Variants in TMEM131L observed in about 807,000 individuals in gnomAD.
TMEM131L encodes transmembrane 131 like, also known as transmembrane protein 131-like.
Under a neutral mutation model 192.2 loss-of-function variants are expected in TMEM131L, and 54 were observed. The observed-to-expected ratio is 0.28, with a 90% CI of 0.23 to 0.35. TMEM131L has a LOEUF of 0.35. Among genes scored for constraint, TMEM131L ranks in the 10% least tolerant of loss-of-function variants. The probability of loss-of-function intolerance (pLI) is 1.00; values close to 1 mark genes in which losing one functional copy is unlikely to be tolerated. For synonymous variants in TMEM131L, 701 were observed against 704.9 expected (o/e 0.99, Z 0.09); for missense variants, 1,888 against 1,972.9 (o/e 0.96, Z 0.82).
At chr4:153,559,081 C>G (rs1338141866) in intron 7 of TMEM131L, among the ~76,000 whole-genome samples, 1 of 152,178 alleles carries the variant, frequency 6.6e-6, no homozygotes, top group Non-Finnish European at 1.5e-5. Flanking sequence ...AATTTGTAGT[C>G]AGTACCATTA....
chr4:153,487,071 C>G (rs1173375219), intron 3 of TMEM131L, among the ~76,000 whole-genome samples: 1 of 152,204 alleles, frequency 6.6e-6, no homozygotes, highest in Admixed American at 6.5e-5. Context: ...ATCAGAAGCT[C>G]TAGGGGAGGA....
intron 3 of TMEM131L, among the ~76,000 whole-genome samples, chr4:153,500,416 T>C (rs1733519411): frequency 6.6e-6 from 1 of 152,140 alleles, no homozygotes; most frequent in African/African-American, 2.4e-5. Context: ...CCAGAACTTT[T>C]TTAGTTTAAA....
chr4:153,602,624 C>G lies in TMEM131L; in HGVS notation c.2536C>G (p.Leu846Val), dbSNP rs1561232758. 3 of 1,614,096 alleles carry G rather than the reference C, an allele frequency of 1.9e-6. No homozygotes were observed. Among genetic ancestry groups the G allele is most frequent in the Non-Finnish European group, 2.5e-6 (3 of 1,179,988 alleles). Reference protein sequence around the residue: ...TAADLEFRFTLNVTLPHHLLP... With the variant: ...TAADLEFRFTVNVTLPHHLLP... ...AGCGGACCTAGAATTTCGCTTCACTCTCAATGTGACTCTCCCTCATCACCT... is the reference window on the plus strand; with the variant it reads ...AGCGGACCTAGAATTTCGCTTCACTGTCAATGTGACTCTCCCTCATCACCT... Residue 846 changes from leucine (L) to valine (V), a missense_variant, in exon 23 of 35, where the codon CTC becomes GTC. Coordinates refer to ENST00000409959, the MANE Select transcript of TMEM131L (RefSeq NM_001131007.2).
chr4:153,610,955 G>C (rs1380340310), intron 25 of TMEM131L, among the ~76,000 whole-genome samples: 3 of 152,230 alleles, frequency 2.0e-5, no homozygotes, highest in Admixed American at 1.3e-4. Flanking sequence ...AGAAGGTACT[G>C]AAATACATCG....
At chr4:153,557,590 A>G (rs74964132) in intron 6 of TMEM131L, among the ~76,000 whole-genome samples, 3,375 of 152,270 alleles carry the variant, frequency 0.022, 81 homozygotes, top group Middle Eastern at 0.11. Flanking sequence ...TATTCTCAGA[A>G]ATAGGAATCT....
chr4:153,603,474 T>A (rs377643972), intron 24 of TMEM131L, 22 bp downstream of exon 24: 30 of 1,601,510 alleles, frequency 1.9e-5, no homozygotes, highest in Non-Finnish European at 2.4e-5. Flanking sequence ...TATAGTGTGG[T>A]TGGGAGCGGG....
At chr4:153,593,722 A>C (rs1731230293) in intron 18 of TMEM131L, 77 bp from the exon 19 acceptor site, 5 of 919,284 alleles carry the variant, frequency 5.4e-6, no homozygotes, top group South Asian at 4.0e-5. Flanking sequence ...AAATGTATAT[A>C]TGTGCACACA....
At chr4:153,485,864 C>A (rs997553300) in intron 3 of TMEM131L, among the ~76,000 whole-genome samples, 3 of 152,206 alleles carry the variant, frequency 2.0e-5, no homozygotes, top group Non-Finnish European at 2.9e-5. Context: ...ATCTTCCTTA[C>A]ATAACCAGGT....
intron 3 of TMEM131L, among the ~76,000 whole-genome samples, chr4:153,490,944 ACT>A (rs1489316129): frequency 5.4e-5 from 7 of 128,890 alleles, no homozygotes; most frequent in African/African-American, 2.1e-4. Flanking sequence ...ATAGAGTGAG[ACT>A]CTGTCTCAAA....
At chr4:153,498,611 A>C (rs765790436) in intron 3 of TMEM131L, among the ~76,000 whole-genome samples, 13 of 152,136 alleles carry the variant, frequency 8.5e-5, no homozygotes, top group Admixed American at 1.3e-4. Flanking sequence ...TCTTCACAAG[A>C]TGCAAATGTT....
At chr4:153,619,640 A>G (rs1444122916) in intron 26 of TMEM131L, among the ~76,000 whole-genome samples, 1 of 152,248 alleles carries the variant, frequency 6.6e-6, no homozygotes, top group Non-Finnish European at 1.5e-5. Context: ...TAATAGATGC[A>G]TAAGGGTTCT....
At chr4:153,482,100 T>C (rs567534512) in intron 3 of TMEM131L, among the ~76,000 whole-genome samples, 39 of 152,326 alleles carry the variant, frequency 2.6e-4, no homozygotes, top group African/African-American at 9.4e-4. Flanking sequence ...TGCCTCGGCC[T>C]CCCAAAGTGC....
intron 3 of TMEM131L, among the ~76,000 whole-genome samples, chr4:153,500,185 C>G (rs372207731): frequency 1.1e-4 from 17 of 152,222 alleles, no homozygotes; most frequent in African/African-American, 3.4e-4. Context: ...ACTGCAGCCT[C>G]AAACTCCTGG....
intron 3 of TMEM131L, among the ~76,000 whole-genome samples, chr4:153,525,877 A>G (rs1446470965): frequency 1.3e-5 from 2 of 149,268 alleles, no homozygotes; most frequent in African/African-American, 5.0e-5. Flanking sequence ...TTTTTTTTTG[A>G]GATGGAGTCT....
At chr4:153,502,081 A>G (rs1733651234) in intron 3 of TMEM131L, among the ~76,000 whole-genome samples, 1 of 151,614 alleles carries the variant, frequency 6.6e-6, no homozygotes, top group Non-Finnish European at 1.5e-5. Flanking sequence ...ACTCACAAGT[A>G]GCTGGGACCA....
chr4:153,556,847 A>ATAAAT (rs2150471340), intron 5 of TMEM131L, 119 bp from the exon 6 acceptor site: 1 of 476,562 alleles, frequency 2.1e-6, no homozygotes, highest in South Asian at 2.7e-5. Flanking sequence ...CATAATACTG[A>ATAAAT]TAAGGGTGCA....
chr4:153,493,164 G>A (rs1465088490), intron 3 of TMEM131L, among the ~76,000 whole-genome samples: 3 of 151,492 alleles, frequency 2.0e-5, no homozygotes, highest in Non-Finnish European at 2.9e-5. Flanking sequence ...GGCTAACATG[G>A]TGAAACCCCA....
chr4:153,502,657 A>C (rs1733699414), intron 3 of TMEM131L, among the ~76,000 whole-genome samples: 1 of 152,244 alleles, frequency 6.6e-6, no homozygotes, highest in South Asian at 2.1e-4. Context: ...TGCGTATAGA[A>C]GAAAATTGCA....
intron 19 of TMEM131L, among the ~76,000 whole-genome samples, 167 bp downstream of exon 19, chr4:153,594,038 G>C (rs1481623616): frequency 1.3e-5 from 2 of 152,082 alleles, no homozygotes; most frequent in Non-Finnish European, 2.9e-5. Flanking sequence ...CAGTTAACTA[G>C]TGCGGTAGGA....
Sources: allele counts gnomAD v4.1 joint callset (sites outside exome capture counted in the v4.1 genomes callset), GRCh38; gene constraint gnomAD v4.1.1; transcripts MANE v1.5; gene names NCBI Gene and HGNC (gene_info 2026-07-23, HGNC 2026-07-21).